RPS6KC1: variants seen among roughly 807,000 people sequenced by gnomAD.
RPS6KC1 encodes inactive ribosomal protein S6 kinase delta-1.
Under a neutral mutation model 103.8 loss-of-function variants are expected in RPS6KC1, and 54 were observed. That is an observed-to-expected ratio of 0.52 (90% CI 0.42 to 0.65). The LOEUF is 0.65. RPS6KC1 is among the 30% of genes least tolerant of loss of function. The pLI is 0.00. For synonymous variants in RPS6KC1, 439 were observed against 438.7 expected (o/e 1.00, Z -0.01); for missense variants, 1,151 against 1,253.8 (o/e 0.92, Z 1.24).
At chr1:213,379,877 G>A in the RPS6KC1 span, among the ~76,000 whole-genome samples, 1 of 152,080 alleles carries the variant, frequency 6.6e-6, no homozygotes, top group African/African-American at 2.4e-5. Context: ...ACTCTTGGTG[G>A]GAGTGTAGAT....
the RPS6KC1 span, among the ~76,000 whole-genome samples, chr1:213,634,492 TGAAATGAAGGCA>T: frequency 1.3e-5 from 2 of 152,064 alleles, no homozygotes; most frequent in African/African-American, 2.4e-5. Flanking sequence ...GGGTAAATAA[TGAAATGAAGGCA>T]GAAATAAAGA....
At chr1:213,067,773 G>A (rs1411859198) in intron 1 of RPS6KC1, among the ~76,000 whole-genome samples, 3 of 152,114 alleles carry the variant, frequency 2.0e-5, no homozygotes, top group Non-Finnish European at 4.4e-5. Flanking sequence ...CTAAGAGGAC[G>A]GCTGAGAAAT....
At chr1:213,759,305 C>T in the RPS6KC1 span, among the ~76,000 whole-genome samples, 5 of 152,220 alleles carry the variant, frequency 3.3e-5, no homozygotes, top group South Asian at 6.2e-4. Flanking sequence ...ACTTAATAGA[C>T]TACAGTATAG....
At chr1:213,489,356 A>G in the RPS6KC1 span, among the ~76,000 whole-genome samples, 1 of 152,168 alleles carries the variant, frequency 6.6e-6, no homozygotes, top group African/African-American at 2.4e-5. Context: ...AGCCAGTAGG[A>G]GGGAGTATCC....
At chr1:213,603,739 AATCTC>A in the RPS6KC1 span, among the ~76,000 whole-genome samples, 1 of 152,008 alleles carries the variant, frequency 6.6e-6, no homozygotes. Context: ...GCATGCCTGT[AATCTC>A]AGCTACTTGG....
At chr1:213,597,622 G>C in the RPS6KC1 span, among the ~76,000 whole-genome samples, 6 of 152,166 alleles carry the variant, frequency 3.9e-5, no homozygotes, top group Non-Finnish European at 8.8e-5. Flanking sequence ...GATCAGAGAG[G>C]CTTCATGACT....
At chr1:213,223,418 C>T (rs948674312) in intron 8 of RPS6KC1, among the ~76,000 whole-genome samples, 1 of 152,182 alleles carries the variant, frequency 6.6e-6, no homozygotes, top group Admixed American at 6.5e-5. Context: ...TACGCCTTTG[C>T]ATCCTCATAG....
chr1:213,284,118 A>T, the RPS6KC1 span, among the ~76,000 whole-genome samples: 1 of 152,250 alleles, frequency 6.6e-6, no homozygotes, highest in Non-Finnish European at 1.5e-5. Context: ...TATAGAAGAC[A>T]TGAACCAAGA....
At chr1:213,743,116 G>A in the RPS6KC1 span, among the ~76,000 whole-genome samples, 1 of 152,194 alleles carries the variant, frequency 6.6e-6, no homozygotes, top group Non-Finnish European at 1.5e-5. Context: ...GTTCACAATA[G>A]TGAAGACATG....
At chr1:213,366,389 G>A in the RPS6KC1 span, among the ~76,000 whole-genome samples, 1 of 152,216 alleles carries the variant, frequency 6.6e-6, no homozygotes, top group East Asian at 1.9e-4. Context: ...GATAAGTTGA[G>A]TATTCCCTTT....
downstream of RPS6KC1, among the ~76,000 whole-genome samples, chr1:213,275,864 T>C (rs1371211227): frequency 6.6e-6 from 1 of 152,204 alleles, no homozygotes; most frequent in African/African-American, 2.4e-5. Context: ...ACGTCTCCCC[T>C]TACCTCATTC....
chr1:213,197,843 C>A (rs542500497), intron 8 of RPS6KC1, among the ~76,000 whole-genome samples: 1 of 151,968 alleles, frequency 6.6e-6, no homozygotes, highest in South Asian at 2.1e-4. Context: ...TATGTGCGTC[C>A]GTATGTGTTA....
chr1:213,323,209 C>T, the RPS6KC1 span, among the ~76,000 whole-genome samples: 3 of 152,208 alleles, frequency 2.0e-5, no homozygotes, highest in East Asian at 5.8e-4. Context: ...CTAGACCCAC[C>T]CCATAATCTA....
intron 1 of RPS6KC1, among the ~76,000 whole-genome samples, chr1:213,070,184 G>C (rs1213746895): frequency 6.6e-6 from 1 of 152,096 alleles, no homozygotes; most frequent in Admixed American, 6.5e-5. Flanking sequence ...GCTAATTGTA[G>C]ATTCATATAC....
At chr1:213,340,642 C>T in the RPS6KC1 span, among the ~76,000 whole-genome samples, 1 of 152,322 alleles carries the variant, frequency 6.6e-6, no homozygotes. Flanking sequence ...TTTTACATTA[C>T]CAACACCTAA....
intron 8 of RPS6KC1, among the ~76,000 whole-genome samples, chr1:213,197,942 A>G (rs150604985): frequency 2.0e-5 from 3 of 152,256 alleles, no homozygotes; most frequent in African/African-American, 7.2e-5. Context: ...TAGGCCATTT[A>G]CAGTCGATGT....
chr1:213,815,695 T>C, the RPS6KC1 span, among the ~76,000 whole-genome samples: 41,350 of 152,102 alleles, frequency 0.27, 9,107 homozygotes, highest in African/African-American at 0.59. Context: ...GATCTTTTAT[T>C]CAGACCACTC....
chr1:213,567,646 G>A, the RPS6KC1 span, among the ~76,000 whole-genome samples: 1 of 152,370 alleles, frequency 6.6e-6, no homozygotes, highest in African/African-American at 2.4e-5. Context: ...AGAAATGAAA[G>A]TTGTGTTAGG....
At chr1:213,643,396 C>T in the RPS6KC1 span, among the ~76,000 whole-genome samples, 28,466 of 151,248 alleles carry the variant, frequency 0.19, 2,651 homozygotes, top group Middle Eastern at 0.25. Flanking sequence ...CTTATAGTTT[C>T]ATTGATATTT....
Sources: gnomAD v4.1 joint callset for allele counts (sites outside exome capture counted in the v4.1 genomes callset) on GRCh38, gnomAD v4.1.1 for gene constraint, MANE v1.5 for transcripts, NCBI Gene and HGNC (gene_info 2026-07-23, HGNC 2026-07-21) for gene names.